Variants in ANO2 observed in about 807,000 individuals in gnomAD.
The protein encoded by ANO2 is anoctamin-2.
In ANO2, 101 loss-of-function variants were observed where a neutral mutation model predicts 124.2. The observed-to-expected ratio is 0.81, with a 90% CI of 0.69 to 0.96. The LOEUF (loss-of-function observed/expected upper bound fraction) is 0.96. Ranked by LOEUF, ANO2 falls within the 40% of genes least tolerant of loss-of-function variation. ANO2 has a pLI of 0.00. For missense variants in ANO2, 1,293 were observed against 1,274.5 expected, an observed-to-expected ratio of 1.01 and a Z score of -0.22; for synonymous variants, 486 against 482.5, an observed-to-expected ratio of 1.01 and a Z score of -0.09.
chr12:5,677,007 T>C (rs908881152), intron 14 of ANO2, among the ~76,000 whole-genome samples: 1 of 151,794 alleles, frequency 6.6e-6, no homozygotes, highest in African/African-American at 2.4e-5. Context: ...TAAGCCAAGA[T>C]CATATCACTA....
chr12:5,774,328 G>A (rs1591601392), intron 10 of ANO2, among the ~76,000 whole-genome samples: 1 of 152,158 alleles, frequency 6.6e-6, no homozygotes, highest in African/African-American at 2.4e-5. Context: ...TTAGCCAGGT[G>A]TGGTGGCATG....
At position 5,623,798 on chromosome 12, in the gene ANO2, C is replaced by T. The variant is rs774773705; in HGVS notation, c.1817-8501G>A. Among the ~76,000 whole-genome samples, 14 of 152,384 alleles carry T rather than the reference C, an allele frequency of 9.2e-5. No homozygotes were observed. In the South Asian group the frequency reaches 1.2e-3, roughly 14 times the overall value. On this transcript the variant is annotated intron_variant, in intron 16 of 24. Transcript: ENST00000682330. Reference sequence around the variant, plus strand: ...AGTGCCTGCTCTTCCCCTTACCTCTCCCTAAGGCAGGTCATGCCTTTGCAA... The same window carrying T: ...AGTGCCTGCTCTTCCCCTTACCTCTTCCTAAGGCAGGTCATGCCTTTGCAA...
At chr12:5,733,245 G>A in intron 13 of ANO2, 1 of 363,936 alleles carries the variant, frequency 2.7e-6, no homozygotes, top group South Asian at 2.7e-5. Flanking sequence ...GCAAGTAACA[G>A]CAATGCTCAA....
chr12:5,752,984 A>T (rs774839601), intron 10 of ANO2, among the ~76,000 whole-genome samples: 1 of 152,200 alleles, frequency 6.6e-6, no homozygotes, highest in African/African-American at 2.4e-5. Context: ...TGAACAGTTT[A>T]ACAATATTGA....
intron 1 of ANO2, among the ~76,000 whole-genome samples, chr12:5,923,105 C>CAT (rs1941834825): frequency 1.1e-4 from 8 of 74,608 alleles, no homozygotes; most frequent in South Asian, 5.0e-4. Flanking sequence ...CACACACATA[C>CAT]ACACACATGC....
intron 9 of ANO2, among the ~76,000 whole-genome samples, chr12:5,803,748 C>T (rs546362128): frequency 1.6e-4 from 24 of 152,310 alleles, no homozygotes; most frequent in African/African-American, 5.3e-4. Context: ...ACGGAGGAAG[C>T]CTCTTCTTAA....
chr12:5,909,714 C>T (rs1940928106), intron 3 of ANO2, among the ~76,000 whole-genome samples: 1 of 152,200 alleles, frequency 6.6e-6, no homozygotes, highest in Admixed American at 6.5e-5. Flanking sequence ...GCACCTGCAG[C>T]AGGACTCTTC....
intron 3 of ANO2, among the ~76,000 whole-genome samples, chr12:5,886,930 T>C (rs1938954314): frequency 6.6e-6 from 1 of 152,074 alleles, no homozygotes; most frequent in Admixed American, 6.5e-5. Context: ...CAAGGCTGGG[T>C]TGAGGGTGGC....
At chr12:5,797,552 C>T (rs544179693) in intron 10 of ANO2, among the ~76,000 whole-genome samples, 4 of 152,278 alleles carry the variant, frequency 2.6e-5, no homozygotes, top group Admixed American at 6.5e-5. Flanking sequence ...TCCAGGTACT[C>T]GCCCACTTCT....
chr12:5,827,293 A>C (rs1953984416), intron 7 of ANO2, among the ~76,000 whole-genome samples: 1 of 152,200 alleles, frequency 6.6e-6, no homozygotes, highest in Admixed American at 6.5e-5. Flanking sequence ...TGAAGTTAGA[A>C]GAGGCTCACT....
At chr12:5,837,256 G>A (rs550636535) in intron 4 of ANO2, among the ~76,000 whole-genome samples, 14 of 151,676 alleles carry the variant, frequency 9.2e-5, no homozygotes, top group Admixed American at 3.9e-4. Flanking sequence ...CAGCACCCAC[G>A]GGGCCAGGAA....
intron 4 of ANO2, among the ~76,000 whole-genome samples, chr12:5,851,488 C>T (rs1954901680): frequency 6.6e-6 from 1 of 151,956 alleles, no homozygotes. Context: ...AAATTCGAGA[C>T]CAGCTGGCCA....
At position 5,576,031 on chromosome 12, in the gene ANO2, A is replaced by G. The variant is rs1170258930; in HGVS notation, c.2440-16T>C. The G allele has an allele frequency of 6.3e-7, 1 of 1,589,520 alleles. No homozygotes were observed. Among genetic ancestry groups the G allele is most frequent in the Admixed American group, 1.8e-5 (1 of 56,744 alleles). ...TGACAAAAGCCTGAGGGACAGAACC[A>G]TAAGCACTGAGTAGCCAGGATTGAT... On this transcript the variant is annotated splice_polypyrimidine_tract_variant and intron_variant, in intron 22 of 24. Coordinates refer to ENST00000682330, the MANE Select transcript of ANO2 (RefSeq NM_001364791.2).
rs1231786610 is a variant in ANO2 at position 5,943,690 on chromosome 12, G to A, written c.22+1506C>T. 2.6e-5 allele frequency among the ~76,000 whole-genome samples: 4 copies of A among 152,162 alleles called. No individual in the cohort carries two copies. In the South Asian group the frequency reaches 6.2e-4, roughly 24 times the overall value. ...TTTAAAACAATTTTTAAACAATACA[G>A]ATGGATTATACCGTGTACTAGAGAC... is the stretch of plus-strand genomic sequence containing the variant. On this transcript the variant is annotated intron_variant, in intron 1 of 24. Coordinates refer to ENST00000682330, the MANE Select transcript of ANO2 (RefSeq NM_001364791.2).
chr12:5,662,442 G>T (rs1295873384), intron 14 of ANO2, among the ~76,000 whole-genome samples: 1 of 152,144 alleles, frequency 6.6e-6, no homozygotes, highest in Non-Finnish European at 1.5e-5. Context: ...TGTGCCCTTT[G>T]AAATCAATTT....
chr12:5,882,829 C>A (rs1938595134), intron 3 of ANO2, among the ~76,000 whole-genome samples: 1 of 152,144 alleles, frequency 6.6e-6, no homozygotes, highest in South Asian at 2.1e-4. Flanking sequence ...AAACTGGGGC[C>A]AGAGGGCATT....
intron 13 of ANO2, among the ~76,000 whole-genome samples, chr12:5,736,854 G>A (rs3782641): frequency 0.15 from 23,539 of 152,076 alleles, 1,908 homozygotes; most frequent in Middle Eastern, 0.23. Flanking sequence ...TTTCTTTCTC[G>A]TGGGCACCCC....
chr12:5,642,540 C>T lies in ANO2; in HGVS notation c.1620+5187G>A, dbSNP rs1220059285. ...TTCAATCTCACCCTGCCCAGGCCACCGCACTTCTTGCATTATCACAACAGA... is the reference window on the plus strand; with the variant it reads ...TTCAATCTCACCCTGCCCAGGCCACTGCACTTCTTGCATTATCACAACAGA... On this transcript the variant is annotated intron_variant, in intron 15 of 24. Coordinates refer to ENST00000682330, the MANE Select transcript of ANO2 (RefSeq NM_001364791.2). Among the ~76,000 whole-genome samples, 6 of 152,166 alleles carry T rather than the reference C, an allele frequency of 3.9e-5. No individual in the cohort carries two copies. The East Asian group carries it at 7.7e-4, about 20-fold the overall frequency.
intron 4 of ANO2, among the ~76,000 whole-genome samples, chr12:5,853,591 A>G (rs1954992060): frequency 6.6e-6 from 1 of 152,118 alleles, no homozygotes. Context: ...ACCAAACACA[A>G]TATTTAGTGG....
Sources: gnomAD v4.1 joint callset for allele counts (sites outside exome capture counted in the v4.1 genomes callset) on GRCh38, gnomAD v4.1.1 for gene constraint, MANE v1.5 for transcripts, NCBI Gene and HGNC (gene_info 2026-07-23, HGNC 2026-07-21) for gene names.